BICDL1: variants seen among roughly 807,000 people sequenced by gnomAD.
BICDL1 encodes BICD family-like cargo adapter 1.
Under a neutral mutation model 76.8 loss-of-function variants are expected in BICDL1, and 20 were observed. The observed-to-expected ratio is 0.26, with a 90% CI of 0.18 to 0.38. The LOEUF is 0.38. BICDL1 is among the 10% of genes least tolerant of loss of function. The pLI is 1.00. For missense variants in BICDL1, 700 were observed against 798.6 expected (o/e 0.88, Z 1.49); for synonymous variants, 383 against 337.1 (o/e 1.14, Z -1.49).
chr12:120,011,018 G>A (rs12310269), intron 2 of BICDL1, among the ~76,000 whole-genome samples: 20,285 of 152,152 alleles, frequency 0.13, 1,681 homozygotes, highest in East Asian at 0.41. Context: ...TTGTTGTGAC[G>A]GATCAGTCAC....
At chr12:120,003,158 T>TA (rs747568511) in intron 2 of BICDL1, among the ~76,000 whole-genome samples, 62,803 of 136,464 alleles carry the variant, frequency 0.46, 16,554 homozygotes, top group Non-Finnish European at 0.58. Flanking sequence ...ACCCCATCTT[T>TA]AAAAAAAAAA....
intron 2 of BICDL1, among the ~76,000 whole-genome samples, chr12:120,043,143 T>G (rs549442375): frequency 6.6e-4 from 100 of 152,318 alleles, no homozygotes; most frequent in Admixed American, 2.1e-3. Context: ...GTAGCGTTGT[T>G]AAGATAAAAT....
chr12:120,077,629 G>A (rs1169863460), intron 7 of BICDL1, among the ~76,000 whole-genome samples: 1 of 152,184 alleles, frequency 6.6e-6, no homozygotes, highest in African/African-American at 2.4e-5. Context: ...AGAGAGTGCT[G>A]GGAGCCTGTG....
At chr12:120,084,903 A>G (rs1269845481) in intron 8 of BICDL1, among the ~76,000 whole-genome samples, 2 of 151,858 alleles carry the variant, frequency 1.3e-5, no homozygotes, top group African/African-American at 4.8e-5. Flanking sequence ...AAAAAAAAAA[A>G]AAAATTACTC....
intron 2 of BICDL1, among the ~76,000 whole-genome samples, chr12:120,001,944 A>G (rs1951767970): frequency 6.6e-6 from 1 of 152,146 alleles, no homozygotes; most frequent in South Asian, 2.1e-4. Flanking sequence ...GTACTGGCTG[A>G]TTGCTTGAGC....
intron 2 of BICDL1, among the ~76,000 whole-genome samples, chr12:120,027,031 T>TC (rs957404082): frequency 1.4e-5 from 2 of 146,042 alleles, no homozygotes; most frequent in Non-Finnish European, 3.0e-5. Flanking sequence ...TAATTTCTTT[T>TC]TTTTTTTTTT....
chr12:120,044,322 G>A (rs1413676613), intron 2 of BICDL1, among the ~76,000 whole-genome samples: 1 of 152,118 alleles, frequency 6.6e-6, no homozygotes, highest in African/African-American at 2.4e-5. Flanking sequence ...GGGGTGAGGT[G>A]GGGAAGTATG....
chr12:120,061,897 T>A, intron 3 of BICDL1, 71 bp downstream of exon 3: 1 of 1,004,408 alleles, frequency 1.0e-6, no homozygotes, highest in Non-Finnish European at 1.6e-6. Context: ...AACTGCTCTA[T>A]GTAAAAGGGC....
At chr12:119,998,863 T>G in intron 2 of BICDL1, 127 bp downstream of exon 2, 1 of 825,508 alleles carries the variant, frequency 1.2e-6, no homozygotes, top group Non-Finnish European at 1.9e-6. Context: ...CAGACCAATC[T>G]GGGCAACACA....
chr12:120,084,128 G>A (rs925468239), intron 8 of BICDL1, among the ~76,000 whole-genome samples: 6 of 151,918 alleles, frequency 3.9e-5, no homozygotes, highest in Admixed American at 1.3e-4. Context: ...TCAGCCTCCC[G>A]AGTAGCTGGG....
chr12:120,044,938 G>A (rs1016255716), intron 2 of BICDL1, among the ~76,000 whole-genome samples: 1 of 152,102 alleles, frequency 6.6e-6, no homozygotes, highest in South Asian at 2.1e-4. Context: ...TTCCAATTCT[G>A]TGAAGAAAGT....
intron 2 of BICDL1, among the ~76,000 whole-genome samples, chr12:120,025,198 C>A (rs1387566809): frequency 6.6e-6 from 1 of 151,864 alleles, no homozygotes; most frequent in Non-Finnish European, 1.5e-5. Flanking sequence ...CTACAGGCGC[C>A]CGCCACCTCG....
At chr12:120,005,548 A>G (rs1009514189) in intron 2 of BICDL1, among the ~76,000 whole-genome samples, 2 of 151,966 alleles carry the variant, frequency 1.3e-5, no homozygotes, top group Admixed American at 1.3e-4. Flanking sequence ...CAATTTCTGT[A>G]TTTTTAGTAG....
intron 2 of BICDL1, among the ~76,000 whole-genome samples, chr12:120,026,769 C>A (rs1952311662): frequency 6.6e-6 from 1 of 152,188 alleles, no homozygotes; most frequent in African/African-American, 2.4e-5. Context: ...GCTTGTCAGC[C>A]ATCTTTTTTG....
chr12:120,057,990 C>A (rs1953017131), intron 2 of BICDL1, among the ~76,000 whole-genome samples: 1 of 151,972 alleles, frequency 6.6e-6, no homozygotes, highest in Non-Finnish European at 1.5e-5. Flanking sequence ...GCCACCACGC[C>A]TGGAGAATTT....
At chr12:120,013,553 C>T (rs1212107900) in intron 2 of BICDL1, among the ~76,000 whole-genome samples, 1 of 151,202 alleles carries the variant, frequency 6.6e-6, no homozygotes, top group Admixed American at 6.6e-5. Context: ...CCTCCGCCTC[C>T]TGGGTTCAAG....
At chr12:120,034,852 C>G (rs561594804) in intron 2 of BICDL1, among the ~76,000 whole-genome samples, 168 of 152,350 alleles carry the variant, frequency 1.1e-3, no homozygotes, top group African/African-American at 3.7e-3. Context: ...CTCCTCAAGG[C>G]CAGCAGCAGT....
At chr12:120,018,106 T>C (rs1952103620) in intron 2 of BICDL1, among the ~76,000 whole-genome samples, 1 of 152,220 alleles carries the variant, frequency 6.6e-6, no homozygotes, top group Non-Finnish European at 1.5e-5. Flanking sequence ...TTCTCATCCC[T>C]GATTGCATAT....
At position 119,989,462 on chromosome 12, in the gene BICDL1, G is replaced by GGCAGCAGCA. The variant is rs746391690; in HGVS notation, c.-398_-390dup. On this transcript the variant is annotated 5_prime_UTR_variant, in exon 1 of 10. Coordinates refer to ENST00000548673, the MANE Select transcript of BICDL1 (RefSeq NM_001367886.1). ...CGTGAGGCGCTGCCCGGCCGGCGGCGGCAGCAGCAGCAGCAGCGGCAGCGG... is the reference window on the plus strand; with the variant it reads ...CGTGAGGCGCTGCCCGGCCGGCGGCGGCAGCAGCAGCAGCAGCAGCAGCAGCGGCAGCGG... 0.12 allele frequency among the ~76,000 whole-genome samples: 16,984 copies of GGCAGCAGCA among 146,990 alleles called. 1,171 individuals are homozygous for GGCAGCAGCA. The highest frequency in any genetic ancestry group is 0.27 in the East Asian group (1,307 of 4,852).
Sources: gnomAD v4.1 joint callset for allele counts (sites outside exome capture counted in the v4.1 genomes callset) on GRCh38, gnomAD v4.1.1 for gene constraint, MANE v1.5 for transcripts, NCBI Gene and HGNC (gene_info 2026-07-23, HGNC 2026-07-21) for gene names.